Variants in ADD2 observed in about 807,000 individuals in gnomAD.
ADD2 encodes adducin 2, also known as beta-adducin.
ADD2 carries 23 observed loss-of-function variants against 83.0 expected under a neutral mutation model. That is an observed-to-expected ratio of 0.28 (90% confidence interval 0.20 to 0.39). The LOEUF (loss-of-function observed/expected upper bound fraction) is 0.39. ADD2 is among the 10% of genes least tolerant of loss of function. The pLI is 1.00. For missense variants in ADD2, 758 were observed against 944.9 expected, an observed-to-expected ratio of 0.80 and a Z score of 2.59; for synonymous variants, 375 against 375.4, an observed-to-expected ratio of 1.00 and a Z score of 0.01.
At chr2:70,707,563 G>A (rs1027061491) in intron 2 of ADD2, among the ~76,000 whole-genome samples, 3 of 148,924 alleles carry the variant, frequency 2.0e-5, no homozygotes, top group Admixed American at 1.3e-4. Context: ...GGGAATTTGC[G>A]AAGCCCGTCT....
intron 2 of ADD2, among the ~76,000 whole-genome samples, chr2:70,709,839 G>T (rs139777002): frequency 1.6e-3 from 250 of 152,298 alleles, no homozygotes; most frequent in African/African-American, 5.7e-3. Context: ...CGTGCATGGC[G>T]TTAGTTAAGA....
At position 70,704,339 on chromosome 2, in the gene ADD2, A is replaced by G; in HGVS notation, c.304T>C (p.Phe102Leu). Residue 102 changes from phenylalanine to leucine, a missense_variant, in exon 4 of 16, where the codon TTC becomes CTC. Physicochemically the swap from Phe to Leu is conservative, Grantham distance 22. Transcript: ENST00000264436. The stretch of plus-strand genomic sequence containing the variant: ...CACATACTCATGGAAGATGTCGGGA[A>G]GACTGCGTGGGAGGTGCTGGCCATG... ...DFMASTSHAV[F>L]PTSSMNVSMM... 8 of 1,470,404 alleles carry G rather than the reference A, an allele frequency of 5.4e-6. No homozygotes were observed. The highest frequency in any genetic ancestry group is 7.3e-6 in the Non-Finnish European group (8 of 1,091,478). The allele number at this position is 1,470,404 out of a possible 1,614,324, so 91.1% of individuals were successfully genotyped here.
At chr2:70,664,402 A>G (rs1675672599) in intron 15 of ADD2, among the ~76,000 whole-genome samples, 1 of 152,208 alleles carries the variant, frequency 6.6e-6, no homozygotes, top group Non-Finnish European at 1.5e-5. Context: ...GTTCAAGGCC[A>G]GAGTTACTCA....
chr2:70,760,805 G>GT (rs1244338531), intron 1 of ADD2: 41 of 152,158 alleles, frequency 2.7e-4, no homozygotes, highest in Non-Finnish European at 4.6e-4. Flanking sequence ...ATATTTTAAG[G>GT]TTTTTTTAAA....
Position 70,680,363 on chromosome 2 carries a change from T to G in ADD2, c.1126-1402A>C, listed in dbSNP as rs72899653. On this transcript the variant is annotated intron_variant, in intron 10 of 15. Coordinates refer to ENST00000264436, the MANE Select transcript of ADD2 (RefSeq NM_001617.4). ...ATATTTTGGATCTATTTCTGGATTC[T>G]CTAAGCTGTTGCATTGTTTTGCACA... Among the ~76,000 whole-genome samples the G allele has an allele frequency of 5.5e-4, 84 of 152,356 alleles. 1 individual carries two copies. The highest frequency in any genetic ancestry group is 2.0e-3 in the African/African-American group (82 of 41,596).
At chr2:70,744,798 C>T (rs1558575004) in intron 1 of ADD2, among the ~76,000 whole-genome samples, 1 of 152,026 alleles carries the variant, frequency 6.6e-6, no homozygotes, top group Admixed American at 6.6e-5. Context: ...CAGTTAGAGG[C>T]AGCAGCAGAT....
chr2:70,711,783 T>C (rs1574275345), intron 2 of ADD2, among the ~76,000 whole-genome samples: 1 of 152,300 alleles, frequency 6.6e-6, no homozygotes, highest in Non-Finnish European at 1.5e-5. Context: ...TGATTGCAAG[T>C]ACCATACTTT....
chr2:70,679,256 G>T (rs1337355609), intron 10 of ADD2, among the ~76,000 whole-genome samples: 1 of 152,158 alleles, frequency 6.6e-6, no homozygotes, highest in Non-Finnish European at 1.5e-5. Context: ...TGGAGCCACA[G>T]ATTTCCTCTG....
chr2:70,709,425 C>T (rs1467734531), intron 2 of ADD2, among the ~76,000 whole-genome samples: 1 of 152,240 alleles, frequency 6.6e-6, no homozygotes, highest in African/African-American at 2.4e-5. Context: ...AAATCCAGAC[C>T]CTTTCCTTTC....
intron 1 of ADD2, among the ~76,000 whole-genome samples, chr2:70,738,057 A>G (rs1673679759): frequency 6.6e-6 from 1 of 152,230 alleles, no homozygotes; most frequent in Non-Finnish European, 1.5e-5. Flanking sequence ...TTCAAAGCCC[A>G]GTACACCATG....
At chr2:70,733,071 A>G (rs1333838634) in intron 1 of ADD2, among the ~76,000 whole-genome samples, 9 of 152,218 alleles carry the variant, frequency 5.9e-5, no homozygotes, top group Non-Finnish European at 8.8e-5. Flanking sequence ...TTAGCATTCA[A>G]GGATTACATG....
intron 1 of ADD2, among the ~76,000 whole-genome samples, chr2:70,723,074 G>A (rs1446566612): frequency 4.6e-5 from 7 of 152,178 alleles, no homozygotes; most frequent in African/African-American, 1.7e-4. Context: ...TTCTCTACAT[G>A]AAGGACCCAG....
At chr2:70,767,023 A>G (rs892574578) in intron 1 of ADD2, among the ~76,000 whole-genome samples, 34 of 152,192 alleles carry the variant, frequency 2.2e-4, no homozygotes, top group African/African-American at 7.7e-4. Context: ...GAGAAAAGGA[A>G]GGAAGAGAAA....
At chr2:70,717,941 T>G (rs969034611) in intron 1 of ADD2, among the ~76,000 whole-genome samples, 1 of 152,100 alleles carries the variant, frequency 6.6e-6, no homozygotes, top group Non-Finnish European at 1.5e-5. Context: ...CAAAAATAGT[T>G]GAAAAGAAGA....
chr2:70,675,418 G>A (rs548297612), intron 13 of ADD2: 17 of 985,540 alleles, frequency 1.7e-5, no homozygotes, highest in South Asian at 4.7e-5. Context: ...TGCCTGTACC[G>A]CAGGTCCCTG....
intron 1 of ADD2, among the ~76,000 whole-genome samples, chr2:70,751,678 C>T (rs1290490907): frequency 2.6e-5 from 4 of 152,196 alleles, no homozygotes; most frequent in Non-Finnish European, 2.9e-5. Flanking sequence ...CTTCTCCAAT[C>T]GAAACAACTC....
At chr2:70,734,040 C>T (rs955591543) in intron 1 of ADD2, among the ~76,000 whole-genome samples, 2 of 152,104 alleles carry the variant, frequency 1.3e-5, no homozygotes, top group East Asian at 1.9e-4. Context: ...CTTCTCCTGC[C>T]GGGACCTGCT....
In ADD2 at chr2:70,696,232, G is replaced by A. The variant is rs13306097; in HGVS notation, c.474+13C>T. On this transcript the variant is annotated intron_variant, in intron 5 of 15. Coordinates refer to ENST00000264436, the MANE Select transcript of ADD2 (RefSeq NM_001617.4). The stretch of plus-strand genomic sequence containing the variant: ...ATGCAGTGCCCCACCCAATTCCAGG[G>A]CGTTCTGCTCACCGTGACATAGGTG... 2.0e-4 allele frequency: 325 copies of A among 1,608,520 alleles called. 1 individual carries two copies. The East Asian group carries it at 7.0e-3, about 35-fold the overall frequency.
Position 70,663,437 on chromosome 2 carries a change from T to C in ADD2, c.2169A>G (p.Lys723=), listed in dbSNP as rs782601282. The C allele has an allele frequency of 3.0e-5, 48 of 1,613,136 alleles. No homozygotes were observed. Among genetic ancestry groups the C allele is most frequent in the Admixed American group, 1.0e-4 (6 of 59,852 alleles). ...AGGGTGTCATGAATCAGGACTCCAC[T>C]TTCTCCTTCTTTTTGCTCTTTTTCA... ...SFLKKSKKKE[K]VES is the part of the protein sequence containing the mutation. The change falls in exon 16 of 16, where the codon AAA becomes AAG. Residue 723 remains lysine, a synonymous_variant. Coordinates refer to ENST00000264436, the MANE Select transcript of ADD2 (RefSeq NM_001617.4).
Sources: gnomAD v4.1 joint callset for allele counts (sites outside exome capture counted in the v4.1 genomes callset) on GRCh38, gnomAD v4.1.1 for gene constraint, MANE v1.5 for transcripts, NCBI Gene and HGNC (gene_info 2026-07-23, HGNC 2026-07-21) for gene names.